The following DNAI3 variants were observed in gnomAD, a reference collection of about 807,000 sequenced individuals.
DNAI3 encodes the protein WD repeat domain 63.
Under a neutral mutation model 115.5 loss-of-function variants are expected in DNAI3, and 83 were observed. The observed-to-expected ratio is 0.72, with a 90% CI of 0.60 to 0.86. The LOEUF is 0.86. DNAI3 is among the 40% of genes least tolerant of loss of function. The pLI is 0.00. For synonymous variants in DNAI3, 320 were observed against 347.0 expected (o/e 0.92, Z 0.86); for missense variants, 1,004 against 1,075.8 (o/e 0.93, Z 0.93).
chr1:85,064,662 G>A (rs1395546520), intron 1 of DNAI3, among the ~76,000 whole-genome samples: 1 of 152,178 alleles, frequency 6.6e-6, no homozygotes, highest in East Asian at 1.9e-4. Flanking sequence ...CATTTTGGGA[G>A]GCCGAGGCAG....
intron 19 of DNAI3, among the ~76,000 whole-genome samples, chr1:85,126,072 C>A (rs1656125092): frequency 6.6e-6 from 1 of 152,158 alleles, no homozygotes. Context: ...CTGGAACTGG[C>A]AGACTTTTCA....
chr1:85,111,339 G>A (rs1162364714), intron 16 of DNAI3, among the ~76,000 whole-genome samples: 3 of 152,076 alleles, frequency 2.0e-5, no homozygotes, highest in Non-Finnish European at 4.4e-5. Context: ...GAATCTAACG[G>A]GAGTTTTCTC....
chr1:85,092,098 G>A (rs1343358763), intron 8 of DNAI3, among the ~76,000 whole-genome samples: 2 of 152,150 alleles, frequency 1.3e-5, no homozygotes, highest in African/African-American at 4.8e-5. Flanking sequence ...ATCACCTGAG[G>A]ACTCTTGTTA....
intron 13 of DNAI3, among the ~76,000 whole-genome samples, chr1:85,102,570 A>C (rs1655360302): frequency 6.6e-6 from 1 of 152,226 alleles, no homozygotes; most frequent in Non-Finnish European, 1.5e-5. Context: ...GAAAAATGTG[A>C]TTAATATGTT....
intron 18 of DNAI3, among the ~76,000 whole-genome samples, chr1:85,122,914 A>G (rs1391568798): frequency 1.3e-5 from 2 of 152,190 alleles, no homozygotes; most frequent in East Asian, 3.9e-4. Flanking sequence ...AGGAAACCCA[A>G]GCAGAATCCT....
Position 85,094,644 on chromosome 1 carries a change from T to C in DNAI3, c.1173+89T>C, listed in dbSNP as rs748732609. On this transcript the variant is annotated intron_variant, in intron 10 of 22. Transcript: ENST00000294664. The stretch of plus-strand genomic sequence containing the variant: ...GCAGTTTTTATTGCAAAGTACTTTA[T>C]AATCATGTAATGTTGTAAACATTTA... The C allele has an allele frequency of 3.8e-4, 549 of 1,442,346 alleles. 2 individuals are homozygous for C. The highest frequency in any genetic ancestry group is 5.0e-4 in the Non-Finnish European group (532 of 1,068,282). The allele number at this position is 1,442,346 out of a possible 1,614,324, so 89.3% of individuals were successfully genotyped here.
In DNAI3 at chr1:85,094,393, T is replaced by C; in HGVS notation, c.1049-38T>C. The stretch of plus-strand genomic sequence containing the variant: ...GCTAGAGACATCTCTCCATGTATAG[T>C]TGCTGCCAACTTTAATTTCTACATG... On this transcript the variant is annotated intron_variant, in intron 9 of 22. Transcript: ENST00000294664. 5.0e-6 allele frequency: 8 copies of C among 1,612,890 alleles called. No individual in the cohort carries two copies. The South Asian group carries it at 8.8e-5, about 18-fold the overall frequency.
chr1:85,131,233 T>C (rs1045202106), intron 22 of DNAI3, among the ~76,000 whole-genome samples: 1 of 151,576 alleles, frequency 6.6e-6, no homozygotes, highest in Non-Finnish European at 1.5e-5. Flanking sequence ...GATCACGAGG[T>C]CAGGAGTTCG....
chr1:85,100,642 T>C (rs925420650), intron 13 of DNAI3, among the ~76,000 whole-genome samples: 12 of 152,178 alleles, frequency 7.9e-5, no homozygotes, highest in African/African-American at 2.9e-4. Flanking sequence ...CAAAGGATTA[T>C]AAATCATGCT....
chr1:85,093,769 A>G (rs709762), intron 9 of DNAI3, 121 bp downstream of exon 9: 687,554 of 1,205,644 alleles, frequency 0.57, 196,989 homozygotes, highest in African/African-American at 0.67. Flanking sequence ...CTCTGTACTC[A>G]CTAGGTACCT....
chr1:85,114,437 A>C (rs1314737906), intron 16 of DNAI3, among the ~76,000 whole-genome samples: 1 of 152,192 alleles, frequency 6.6e-6, no homozygotes, highest in East Asian at 1.9e-4. Context: ...TTGCAAATAG[A>C]GACAGTTTTA....
At position 85,128,934 on chromosome 1, in the gene DNAI3, G is replaced by A. The variant is rs895251962; in HGVS notation, c.2409+135G>A. On this transcript the variant is annotated intron_variant, in intron 21 of 22. Coordinates refer to ENST00000294664, the MANE Select transcript of DNAI3 (RefSeq NM_145172.5). ...AGACTCATACAGTAAATAAGAGGAT[G>A]TATTTCTGTTGTATGAGTTAAATAG... 8 of 747,106 alleles carry A rather than the reference G, an allele frequency of 1.1e-5. No individual in the cohort carries two copies. The East Asian group carries it at 2.0e-4, about 19-fold the overall frequency. 46.3% of individuals were successfully genotyped at this position (747,106 alleles called of 1,614,324 possible). A position where few individuals can be genotyped will look rare whatever the true frequency, so the allele number is the denominator to read the frequency against.
intron 14 of DNAI3, among the ~76,000 whole-genome samples, chr1:85,107,412 G>A (rs817485): frequency 0.52 from 78,317 of 152,030 alleles, 20,844 homozygotes; most frequent in African/African-American, 0.64. Context: ...AAGGAGTAAC[G>A]AAGTCCTGAT....
rs1247738738 is a variant in DNAI3, at chr1:85,133,034, C to T, written c.*36C>T. ...TGAAGGGGTGTTTTGGGGACTTCTT[C>T]CCTCTATTTATTTTTATGTCAGGTG... On this transcript the variant is annotated 3_prime_UTR_variant, in exon 23 of 23. Transcript: ENST00000294664. 1 of 1,586,820 alleles carries T rather than the reference C, an allele frequency of 6.3e-7. No individual in the cohort carries two copies. The highest frequency in any genetic ancestry group is 2.2e-5 in the East Asian group (1 of 44,446).
intron 14 of DNAI3, among the ~76,000 whole-genome samples, chr1:85,106,895 C>A (rs1238331958): frequency 1.3e-5 from 2 of 152,126 alleles, no homozygotes; most frequent in Non-Finnish European, 2.9e-5. Context: ...GGAATAATGA[C>A]CTAAATGTAA....
intron 1 of DNAI3, among the ~76,000 whole-genome samples, chr1:85,064,553 G>A (rs970271941): frequency 2.6e-5 from 4 of 152,142 alleles, no homozygotes; most frequent in Non-Finnish European, 4.4e-5. Context: ...GGCCCAAGAT[G>A]TTAGTCTTGG....
At chr1:85,090,094 G>T (rs773882211) in intron 7 of DNAI3, 22 bp from the exon 8 acceptor site, 5 of 1,349,574 alleles carry the variant, frequency 3.7e-6, no homozygotes, top group Admixed American at 4.9e-5. Flanking sequence ...CTTTAGTATT[G>T]AATTTTCTTT....
chr1:85,110,429 C>T (rs1471637102), intron 16 of DNAI3, among the ~76,000 whole-genome samples: 1 of 139,860 alleles, frequency 7.2e-6, no homozygotes, highest in African/African-American at 2.7e-5. Flanking sequence ...CCAGTCCGGG[C>T]AACAGAGCGA....
At chr1:85,074,952 A>G (rs1231857494) in intron 3 of DNAI3, among the ~76,000 whole-genome samples, 1 of 152,206 alleles carries the variant, frequency 6.6e-6, no homozygotes, top group African/African-American at 2.4e-5. Context: ...TCTTGCTCCT[A>G]TCTAAATAGA....
Sources: gnomAD v4.1 joint callset for allele counts (sites outside exome capture counted in the v4.1 genomes callset) on GRCh38, gnomAD v4.1.1 for gene constraint, MANE v1.5 for transcripts, NCBI Gene and HGNC (gene_info 2026-07-23, HGNC 2026-07-21) for gene names.